SLC5A9: variants seen among roughly 807,000 people sequenced by gnomAD.
The protein encoded by SLC5A9 is sodium/glucose cotransporter 4.
Under a neutral mutation model 70.9 loss-of-function variants are expected in SLC5A9, and 59 were observed. The observed-to-expected ratio is 0.83, with a 90% CI of 0.68 to 1.03. SLC5A9 has a LOEUF of 1.03. Among genes scored for constraint, SLC5A9 ranks in the 50% least tolerant of loss-of-function variants. SLC5A9 has a pLI of 0.00. For synonymous variants in SLC5A9, 340 were observed against 346.5 expected, an observed-to-expected ratio of 0.98 and a Z score of 0.21; for missense variants, 832 against 881.1, an observed-to-expected ratio of 0.94 and a Z score of 0.71.
chr1:48,229,044 C>G, intron 3 of SLC5A9, 90 bp downstream of exon 3: 1 of 1,613,836 alleles, frequency 6.2e-7, no homozygotes, highest in East Asian at 2.2e-5. Flanking sequence ...CTTAGAGATG[C>G]CTGGGAGGCT....
At position 48,227,475 on chromosome 1, in the gene SLC5A9, G is replaced by A. The variant is rs1397103714; in HGVS notation, c.235-1375G>A. Among the ~76,000 whole-genome samples, 5 of 146,754 alleles carry A rather than the reference G, an allele frequency of 3.4e-5. 1 individual carries two copies. In the East Asian group the frequency reaches 8.2e-4, roughly 24 times the overall value. On this transcript the variant is annotated intron_variant, in intron 2 of 13. Transcript: ENST00000438567. ...GTGAGAGAGTGTGTGTACTGTGCCT[G>A]TGTGGGCGTGAGTGCATGTGTGTGT...
intron 12 of SLC5A9, among the ~76,000 whole-genome samples, chr1:48,241,594 C>T (rs1447014022): frequency 1.3e-5 from 2 of 152,136 alleles, no homozygotes; most frequent in Non-Finnish European, 2.9e-5. Flanking sequence ...GAGAAAGCCA[C>T]CAGGGCCATC....
chr1:48,242,013 G>T, intron 12 of SLC5A9: 1 of 456,716 alleles, frequency 2.2e-6, no homozygotes, highest in Non-Finnish European at 4.4e-6. Context: ...CACTCCAAGA[G>T]AACTTTGAAG....
intron 8 of SLC5A9, 152 bp from the exon 9 acceptor site, chr1:48,233,503 G>A: frequency 1.6e-6 from 1 of 623,698 alleles, no homozygotes. Context: ...ATTTACCAAA[G>A]ACCCAGACAC....
chr1:48,231,878 G>T (rs920598623), intron 6 of SLC5A9, 68 bp from the exon 7 acceptor site: 32 of 1,600,864 alleles, frequency 2.0e-5, no homozygotes, highest in African/African-American at 2.7e-5. Flanking sequence ...CATGAGGCTG[G>T]GGCTGGGCTT....
rs770282251 is a variant in SLC5A9 at position 48,233,656 on chromosome 1, C to T, written c.1035C>T (p.Asp345=). The part of the protein sequence containing the change: ...PGMISRALFP[D]EVGCVDPDVC... ...TAACTGCCATTACTTCTTCCACAGA[C>T]GAGGTGGGCTGCGTGGACCCTGATG... The change falls in exon 9 of 14, where the codon GAC becomes GAT. Residue 345 remains aspartate (D), a splice_region_variant and synonymous_variant. Coordinates refer to ENST00000438567, the MANE Select transcript of SLC5A9 (RefSeq NM_001011547.3). The T allele has an allele frequency of 9.0e-5, 145 of 1,613,460 alleles. No homozygotes were observed. The highest frequency in any genetic ancestry group is 1.1e-4 in the Non-Finnish European group (135 of 1,179,536).
intron 12 of SLC5A9, chr1:48,240,524 C>G (rs1410804113): frequency 6.6e-6 from 1 of 152,202 alleles, no homozygotes. Flanking sequence ...ATGGATGGTG[C>G]TTTAGAGTTT....
At position 48,229,396 on chromosome 1, in the gene SLC5A9, C is replaced by T; in HGVS notation, c.441C>T (p.Gly147=). The T allele has an allele frequency of 6.2e-7, 1 of 1,614,130 alleles. No homozygotes were observed. The highest frequency in any genetic ancestry group is 8.5e-7 in the Non-Finnish European group (1 of 1,180,046). ...AGTATCTGAAGAAGCGATTTGGGGG[C>T]CAGAGGATCCAGGTGTACATGTCTG... ...MPQYLKKRFG[G]QRIQVYMSVL... The change falls in exon 4 of 14, where the codon GGC becomes GGT. Residue 147 remains glycine, a synonymous_variant. Transcript: ENST00000438567.
chr1:48,245,073 A>G (rs535331872), intron 13 of SLC5A9, among the ~76,000 whole-genome samples: 209 of 144,498 alleles, frequency 1.4e-3, no homozygotes, highest in Non-Finnish European at 2.7e-3. Context: ...TTTTCCTGAG[A>G]CTTTTATATA....
chr1:48,228,584 C>T (rs1644198022), intron 2 of SLC5A9: 5 of 457,014 alleles, frequency 1.1e-5, no homozygotes, highest in Non-Finnish European at 1.5e-5. Flanking sequence ...TTCCCACTTT[C>T]CCTTTTTTCC....
At chr1:48,233,963 G>A (rs1644293500) in intron 9 of SLC5A9, among the ~76,000 whole-genome samples, 1 of 152,218 alleles carries the variant, frequency 6.6e-6, no homozygotes, top group Non-Finnish European at 1.5e-5. Context: ...TTCTGGAGAT[G>A]CAGAGATAAA....
intron 11 of SLC5A9, among the ~76,000 whole-genome samples, chr1:48,238,208 G>A (rs780069585): frequency 1.8e-4 from 28 of 152,204 alleles, no homozygotes; most frequent in Non-Finnish European, 2.8e-4. Flanking sequence ...TGGATGAAGT[G>A]ACATCTGAGC....
Position 48,233,015 on chromosome 1 carries a change from AGAGG to A in SLC5A9, c.1033+532_1033+535del, listed in dbSNP as rs34762012. On this transcript the variant is annotated intron_variant, in intron 8 of 13. Transcript: ENST00000438567. ...AAGGGGAAGGAAGGAAGGAACGAAG[AGAGG>A]GAGGGAGGGAGGGAGGGAAAGGAAA... Among the ~76,000 whole-genome samples the A allele has an allele frequency of 5.0e-3, 590 of 116,986 alleles. 3 individuals carry two copies. Among genetic ancestry groups the A allele is most frequent in the African/African-American group, 0.016 (532 of 32,960 alleles). 76.7% of individuals were successfully genotyped at this position (116,986 alleles called of 152,430 possible). A position where few individuals can be genotyped will look rare whatever the true frequency, so the allele number is the denominator to read the frequency against.
At chr1:48,244,943 C>A (rs1644444014) in intron 13 of SLC5A9, among the ~76,000 whole-genome samples, 1 of 115,130 alleles carries the variant, frequency 8.7e-6, no homozygotes, top group African/African-American at 3.2e-5. Context: ...CCAAGGGAAT[C>A]AAAAGACAGA....
chr1:48,233,531 T>G (rs540919818), intron 8 of SLC5A9, 124 bp from the exon 9 acceptor site: 2 of 723,092 alleles, frequency 2.8e-6, no homozygotes, highest in Admixed American at 4.2e-5. Context: ...CCCCCAACCT[T>G]GTAGACATGG....
intron 2 of SLC5A9, among the ~76,000 whole-genome samples, chr1:48,226,247 A>G (rs1008379605): frequency 6.6e-5 from 10 of 151,650 alleles, no homozygotes; most frequent in Non-Finnish European, 1.3e-4. Context: ...GAAGGAAAGG[A>G]GGAGAAAGAA....
intron 8 of SLC5A9, 103 bp from the exon 9 acceptor site, chr1:48,233,552 G>C: frequency 1.2e-6 from 1 of 842,578 alleles, no homozygotes; most frequent in Non-Finnish European, 2.0e-6. Flanking sequence ...GTCCCTGTCA[G>C]AGTCTCCAGT....
At position 48,232,428 on chromosome 1, in the gene SLC5A9, TG is replaced by T; in HGVS notation, c.965del (p.Gly322AlafsTer3). 1 of 1,614,140 alleles carries T rather than the reference TG, an allele frequency of 6.2e-7. No individual in the cohort carries two copies. Among genetic ancestry groups the T allele is most frequent in the African/African-American group, 1.3e-5 (1 of 75,014 alleles). Reference sequence around the variant, plus strand: ...TCTCATGCCAAGGGAGGCTCCGTGCTGGGGGGCTACCTGAAGATCCTCCCCA... The same window carrying T: ...TCTCATGCCAAGGGAGGCTCCGTGCTGGGGGCTACCTGAAGATCCTCCCCA... ...SLSHAKGGSV[L>X]GGYLKILPMF... On this transcript the variant is annotated frameshift_variant, in exon 8 of 14. Coordinates refer to ENST00000438567, the MANE Select transcript of SLC5A9 (RefSeq NM_001011547.3). LOFTEE classifies it high-confidence loss of function.
intron 13 of SLC5A9, among the ~76,000 whole-genome samples, chr1:48,244,526 A>AT (rs1276795798): frequency 1.3e-5 from 2 of 151,550 alleles, no homozygotes; most frequent in Non-Finnish European, 2.9e-5. Flanking sequence ...TCTTCCCACG[A>AT]TTCAGCAGTT....
Sources: allele counts gnomAD v4.1 joint callset (sites outside exome capture counted in the v4.1 genomes callset), GRCh38; gene constraint gnomAD v4.1.1; transcripts MANE v1.5; gene names NCBI Gene and HGNC (gene_info 2026-07-23, HGNC 2026-07-21).